SCD5: variants seen among roughly 807,000 people sequenced by gnomAD.
The protein encoded by SCD5 is acyl-CoA-desaturase 4.
Under a neutral mutation model 30.4 loss-of-function variants are expected in SCD5, and 20 were observed. That is an observed-to-expected ratio of 0.66 (90% CI 0.46 to 0.96). SCD5 has a LOEUF of 0.96. SCD5 is among the 40% of genes least tolerant of loss of function. SCD5 has a pLI of 0.00. For synonymous variants in SCD5, 173 were observed against 176.4 expected (o/e 0.98, Z 0.16); for missense variants, 381 against 443.3 (o/e 0.86, Z 1.26).
chr4:82,664,749 C>G (rs191825169), intron 3 of SCD5, among the ~76,000 whole-genome samples: 94 of 151,980 alleles, frequency 6.2e-4, no homozygotes, highest in Middle Eastern at 3.4e-3. Context: ...ATTATCCAAG[C>G]CAAAACATAA....
chr4:82,638,897 C>T (rs1447841762), intron 3 of SCD5, among the ~76,000 whole-genome samples: 4 of 152,200 alleles, frequency 2.6e-5, no homozygotes, highest in African/African-American at 9.7e-5. Flanking sequence ...TTCTAACAAA[C>T]ATTCTCTGAA....
chr4:82,726,657 A>G (rs916001780), intron 1 of SCD5, among the ~76,000 whole-genome samples: 1 of 152,152 alleles, frequency 6.6e-6, no homozygotes, highest in African/African-American at 2.4e-5. Context: ...TTCATAAACA[A>G]TATTTAATTC....
chr4:82,706,760 T>C (rs1719980291), intron 1 of SCD5, among the ~76,000 whole-genome samples: 1 of 152,246 alleles, frequency 6.6e-6, no homozygotes, highest in South Asian at 2.1e-4. Context: ...GAGCTAAACC[T>C]GCCTTGAGCC....
chr4:82,637,695 G>A (rs1186980142), intron 3 of SCD5, among the ~76,000 whole-genome samples: 3 of 152,156 alleles, frequency 2.0e-5, no homozygotes, highest in Non-Finnish European at 4.4e-5. Flanking sequence ...TTGGCCTCCC[G>A]CAGCCTAATC....
chr4:82,681,955 CA>C (rs2148821735), intron 2 of SCD5, among the ~76,000 whole-genome samples: 1 of 152,102 alleles, frequency 6.6e-6, no homozygotes, highest in East Asian at 1.9e-4. Flanking sequence ...TAAAAAAACC[CA>C]AATGGCTACT....
rs190927888 is a variant in SCD5 at position 82,730,805 on chromosome 4, C to T, written c.233-25392G>A. 1.4e-4 allele frequency among the ~76,000 whole-genome samples: 22 copies of T among 151,928 alleles called. No individual in the cohort carries two copies. The East Asian group carries it at 1.6e-3, about 11-fold the overall frequency. ...TTCACCATGTTAGCCAAGATGGTCT[C>T]GGTCTCCTGACCTCGTAATCCGCTT... is the stretch of plus-strand genomic sequence containing the variant. On this transcript the variant is annotated intron_variant, in intron 1 of 4. Transcript: ENST00000319540.
At chr4:82,674,668 C>T (rs928636624) in intron 3 of SCD5, among the ~76,000 whole-genome samples, 14 of 152,144 alleles carry the variant, frequency 9.2e-5, no homozygotes, top group African/African-American at 3.1e-4. Flanking sequence ...CAAAAACCCG[C>T]ACATGAATGT....
At chr4:82,696,985 G>T (rs560196315) in intron 2 of SCD5, among the ~76,000 whole-genome samples, 21 of 152,310 alleles carry the variant, frequency 1.4e-4, no homozygotes, top group African/African-American at 5.1e-4. Context: ...TAGACTCGTG[G>T]CTTCTAAGGT....
At chr4:82,733,819 G>T (rs75941035) in intron 1 of SCD5, among the ~76,000 whole-genome samples, 8,201 of 152,176 alleles carry the variant, frequency 0.054, 270 homozygotes, top group Non-Finnish European at 0.063. Flanking sequence ...GCAGATGGTG[G>T]TGACTCAGGC....
At chr4:82,762,016 A>G (rs111630598) in intron 1 of SCD5, among the ~76,000 whole-genome samples, 5 of 151,828 alleles carry the variant, frequency 3.3e-5, no homozygotes, top group African/African-American at 1.2e-4. Context: ...CTACAAAAAA[A>G]TACAAAAAGT....
chr4:82,698,109 A>C (rs1239672657), intron 2 of SCD5: 2 of 456,398 alleles, frequency 4.4e-6, no homozygotes, highest in Non-Finnish European at 8.8e-6. Context: ...GAAAACCAAC[A>C]ACACCCACCC....
intron 3 of SCD5, among the ~76,000 whole-genome samples, chr4:82,648,518 C>T (rs149758428): frequency 1.3e-3 from 106 of 83,712 alleles, no homozygotes; most frequent in African/African-American, 5.2e-3. Context: ...TCTCGAGAAA[C>T]AACAGTGGAT....
chr4:82,632,192 C>G (rs1326617739), intron 4 of SCD5, among the ~76,000 whole-genome samples: 7 of 136,636 alleles, frequency 5.1e-5, no homozygotes, highest in Admixed American at 4.5e-4. Flanking sequence ...CCCCTCCCCC[C>G]ACCCCACGAC....
chr4:82,667,582 A>G (rs552758909), intron 3 of SCD5, among the ~76,000 whole-genome samples: 159 of 152,338 alleles, frequency 1.0e-3, no homozygotes, highest in African/African-American at 3.5e-3. Flanking sequence ...AAAGTTTAAT[A>G]AAAGTAGTTA....
rs1015817317 is a variant in SCD5 at position 82,798,632 on chromosome 4, G to A, written c.-95C>T. 1 of 1,102,966 alleles carries A rather than the reference G, an allele frequency of 9.1e-7. No individual in the cohort carries two copies. The highest frequency in any genetic ancestry group is 2.8e-5 in the Admixed American group (1 of 36,086). The allele number at this position is 1,102,966 out of a possible 1,614,324, so 68.3% of individuals were successfully genotyped here. On this transcript the variant is annotated 5_prime_UTR_variant, in exon 1 of 5. Coordinates refer to ENST00000319540, the MANE Select transcript of SCD5 (RefSeq NM_001037582.3). ...TGGGGGCGGGGGCTTCTGCCTTTTA[G>A]GGGGGAATTCTCCGCACGTCCAGTC...
intron 3 of SCD5, among the ~76,000 whole-genome samples, chr4:82,645,902 T>C (rs1211116911): frequency 6.6e-6 from 1 of 152,204 alleles, no homozygotes; most frequent in Non-Finnish European, 1.5e-5. Context: ...TCATTTTTCT[T>C]TGGATGAAAA....
chr4:82,797,127 G>A (rs149866467), intron 1 of SCD5, among the ~76,000 whole-genome samples: 3 of 152,282 alleles, frequency 2.0e-5, no homozygotes, highest in African/African-American at 7.2e-5. Flanking sequence ...TGGAACCATA[G>A]TGGCCCCATT....
chr4:82,664,999 C>CTCTCTCTCTCTATA (rs1219554314), intron 3 of SCD5, among the ~76,000 whole-genome samples: 26 of 70,482 alleles, frequency 3.7e-4, no homozygotes, highest in Middle Eastern at 8.2e-3. Context: ...CTCTCTCTCT[C>CTCTCTCTCTCTATA]TATATATATA....
intron 3 of SCD5, among the ~76,000 whole-genome samples, chr4:82,664,475 A>C (rs1372748183): frequency 3.3e-5 from 5 of 152,252 alleles, no homozygotes; most frequent in Non-Finnish European, 5.9e-5. Flanking sequence ...GTCCAGAGAT[A>C]AAGTAATTAA....
Sources: allele counts gnomAD v4.1 joint callset (sites outside exome capture counted in the v4.1 genomes callset), GRCh38; gene constraint gnomAD v4.1.1; transcripts MANE v1.5; gene names NCBI Gene and HGNC (gene_info 2026-07-23, HGNC 2026-07-21).